The following NBPF9 variants were observed in gnomAD, a reference collection of about 807,000 sequenced individuals.
The protein encoded by NBPF9 is NBPF family member NBPF9.
In NBPF9, 91 loss-of-function variants were observed where a neutral mutation model predicts 97.8. The observed-to-expected ratio is 0.93, with a 90% CI of 0.79 to 1.11. NBPF9 has a LOEUF of 1.11. Among genes scored for constraint, NBPF9 ranks in the 50% least tolerant of loss-of-function variants. NBPF9 has a pLI of 0.00. For missense variants in NBPF9, 992 were observed against 939.5 expected, an observed-to-expected ratio of 1.06 and a Z score of -0.73; for synonymous variants, 334 against 359.5, an observed-to-expected ratio of 0.93 and a Z score of 0.80.
intron 7 of NBPF9, among the ~76,000 whole-genome samples, chr1:149,080,461 T>C (rs1356801155): frequency 2.7e-5 from 4 of 150,658 alleles, no homozygotes; most frequent in African/African-American, 9.8e-5. Context: ...CGGGGCCACT[T>C]TCCCAAGCCT....
chr1:149,073,777 T>A (rs1553653591), exon 13 of NBPF9: 5 of 1,579,272 alleles, frequency 3.2e-6, no homozygotes, highest in Non-Finnish European at 4.3e-6. Context: ...CCTGAGCTCC[T>A]CAGCTTGCTT....
At chr1:149,072,287 G>A (rs1333570408) in intron 14 of NBPF9, among the ~76,000 whole-genome samples, 7,114 of 151,656 alleles carry the variant, frequency 0.047, 653 homozygotes, top group East Asian at 0.45. Flanking sequence ...TCAGACCCTT[G>A]CAAGAGACAA....
In NBPF9 at chr1:149,055,907, A is replaced by C; in HGVS notation, c.3093-8T>G. On this transcript the variant is annotated splice_region_variant and splice_polypyrimidine_tract_variant and intron_variant, in intron 29 of 29. Coordinates refer to ENST00000584027, the Ensembl canonical transcript of NBPF9. ...ATCAGCACGCCGTTGAGCCTGGAAA[A>C]GGAGACAAAACTAAAGAAGCAGCCA... is the stretch of plus-strand genomic sequence containing the variant. The C allele has an allele frequency of 6.2e-7, 1 of 1,611,808 alleles. No homozygotes were observed. The highest frequency in any genetic ancestry group is 8.5e-7 in the Non-Finnish European group (1 of 1,179,832).
chr1:149,086,096 T>C (rs1412981087), intron 5 of NBPF9, among the ~76,000 whole-genome samples: 1 of 151,840 alleles, frequency 6.6e-6, no homozygotes, highest in Non-Finnish European at 1.5e-5. Context: ...TATTCCTTCG[T>C]GTGGCTATAC....
At position 149,079,260 on chromosome 1, in the gene NBPF9, G is replaced by A; in HGVS notation, c.279-39C>T. 5.6e-6 allele frequency: 6 copies of A among 1,064,164 alleles called. No homozygotes were observed. In the South Asian group the frequency reaches 6.5e-5, roughly 12 times the overall value. 65.9% of individuals were successfully genotyped at this position (1,064,164 alleles called of 1,614,324 possible). The stretch of plus-strand genomic sequence containing the variant: ...GTAGAGAAAATTTAAGAGTAGAAAG[G>A]GTTGAGTGATCCGTTCAAATATTGC... On this transcript the variant is annotated intron_variant, in intron 8 of 29. Transcript: ENST00000584027.
chr1:149,072,343 CACTCTCTG>C (rs2079480803), intron 14 of NBPF9, among the ~76,000 whole-genome samples: 1 of 152,196 alleles, frequency 6.6e-6, no homozygotes, highest in Non-Finnish European at 1.5e-5. Context: ...ACAAGTCATT[CACTCTCTG>C]ACAGTAACTA....
intron 4 of NBPF9, among the ~76,000 whole-genome samples, chr1:149,093,165 C>T (rs1287737204): frequency 6.6e-6 from 1 of 151,834 alleles, no homozygotes; most frequent in East Asian, 2.0e-4. Context: ...GCATCATAAA[C>T]AAGGTAAAGA....
intron 2 of NBPF9, among the ~76,000 whole-genome samples, chr1:149,101,982 G>A (rs2082175036): frequency 8.5e-6 from 1 of 118,036 alleles, no homozygotes; most frequent in Non-Finnish European, 1.8e-5. Flanking sequence ...AGGCGGGAGT[G>A]CACTGCCATG....
chr1:149,062,643 G>A (rs78171514), intron 21 of NBPF9, among the ~76,000 whole-genome samples: 8,693 of 146,738 alleles, frequency 0.059, 740 homozygotes, highest in East Asian at 0.48. Context: ...TTGCCATACA[G>A]CCTTTGAGGT....
At chr1:149,086,845 G>A (rs193004224) in intron 5 of NBPF9, among the ~76,000 whole-genome samples, 1 of 152,066 alleles carries the variant, frequency 6.6e-6, no homozygotes, top group African/African-American at 2.4e-5. Flanking sequence ...CGCCCCTCAG[G>A]TTGGTCTGGA....
At chr1:149,052,190 G>T (rs868993482), downstream of NBPF9, among the ~76,000 whole-genome samples, 3 of 150,680 alleles carry the variant, frequency 2.0e-5, no homozygotes, top group Non-Finnish European at 4.4e-5. Flanking sequence ...ACAGAGTTAG[G>T]TAAAGTGTTC....
intron 4 of NBPF9, among the ~76,000 whole-genome samples, chr1:149,094,157 G>A (rs2081594501): frequency 6.6e-6 from 1 of 151,804 alleles, no homozygotes; most frequent in African/African-American, 2.4e-5. Flanking sequence ...ATAAAATAAA[G>A]ACGGTTCACT....
At chr1:149,077,830 A>G (rs1432205481) in intron 10 of NBPF9, 53 bp downstream of exon 10, 1 of 1,596,230 alleles carries the variant, frequency 6.3e-7, no homozygotes, top group African/African-American at 1.3e-5. Flanking sequence ...TGTGCCTCCT[A>G]GACATCTTCA....
chr1:149,086,340 A>G (rs1445706822), intron 5 of NBPF9, among the ~76,000 whole-genome samples: 3 of 151,522 alleles, frequency 2.0e-5, no homozygotes, highest in Non-Finnish European at 4.4e-5. Flanking sequence ...AAAGCCCACC[A>G]AGAGTTTTGC....
chr1:149,068,135 A>T lies in NBPF9; in HGVS notation c.1637+1459T>A, dbSNP rs1202595602. Among the ~76,000 whole-genome samples the T allele has an allele frequency of 2.7e-5, 4 of 148,556 alleles. 1 individual carries two copies. The highest frequency in any genetic ancestry group is 1.0e-4 in the African/African-American group (4 of 39,574). ...AGAGCTCCTAAAGGAAGCACTAAACATGGAAAGGAACAACCGGTACCAGCC... is the reference window on the plus strand; with the variant it reads ...AGAGCTCCTAAAGGAAGCACTAAACTTGGAAAGGAACAACCGGTACCAGCC... On this transcript the variant is annotated intron_variant, in intron 17 of 29. Transcript: ENST00000584027.
In NBPF9 at chr1:149,079,994, G is replaced by A. The variant is rs1272621131; in HGVS notation, c.278+59C>T. The A allele has an allele frequency of 8.0e-5, 111 of 1,380,392 alleles. No individual in the cohort carries two copies. In the Admixed American group the frequency reaches 1.9e-3, roughly 23 times the overall value. 85.5% of individuals were successfully genotyped at this position (1,380,392 alleles called of 1,614,324 possible). On this transcript the variant is annotated intron_variant, in intron 8 of 29. Coordinates refer to ENST00000584027, the Ensembl canonical transcript of NBPF9. ...CGTTCTTATTTCTCCCCGCCGAGCT[G>A]CTGTACTTCAGAGATCTACACACCT...
At position 149,058,149 on chromosome 1, in the gene NBPF9, C is replaced by T. The variant is rs1346412187; in HGVS notation, c.2810+15G>A. 4 of 610,788 alleles carry T rather than the reference C, an allele frequency of 6.5e-6. 1 individual carries two copies. The highest frequency in any genetic ancestry group is 6.3e-5 in the South Asian group (4 of 63,122). 37.8% of individuals were successfully genotyped at this position (610,788 alleles called of 1,614,324 possible). A position where few individuals can be genotyped will look rare whatever the true frequency, so the allele number is the denominator to read the frequency against. On this transcript the variant is annotated intron_variant, in intron 27 of 29. Coordinates refer to ENST00000584027, the Ensembl canonical transcript of NBPF9. ...ATGTCAACACAGAAGTAGATGTTCA[C>T]AATTGCTCAGTTACCTGGGGCATGG...
chr1:149,062,245 T>A (rs2078658397), exon 22 of NBPF9: 2 of 871,704 alleles, frequency 2.3e-6, no homozygotes, highest in Non-Finnish European at 2.0e-6. Context: ...CTCTTTCTCA[T>A]CCAGCAGCTC....
exon 19 of NBPF9, chr1:149,064,478 A>T (rs1553651144): frequency 1.3e-6 from 2 of 1,482,006 alleles, no homozygotes; most frequent in South Asian, 2.3e-5. Flanking sequence ...GATCCCACCG[A>T]TGTCCTGCAA....
Sources: allele counts gnomAD v4.1 joint callset (sites outside exome capture counted in the v4.1 genomes callset), GRCh38; gene constraint gnomAD v4.1.1; transcripts MANE v1.5; gene names NCBI Gene and HGNC (gene_info 2026-07-23, HGNC 2026-07-21).